The following ZDHHC2 variants were observed in gnomAD, a reference collection of about 807,000 sequenced individuals.
The protein encoded by ZDHHC2 is palmitoyltransferase ZDHHC2.
ZDHHC2 carries 51 observed loss-of-function variants against 55.6 expected under a neutral mutation model. The ratio of observed to expected loss-of-function variants is 0.92; its 90% confidence interval spans 0.73 to 1.16. ZDHHC2 has a LOEUF of 1.16. ZDHHC2 is among the 50% of genes most tolerant of loss of function. ZDHHC2 has a pLI of 0.00. For synonymous variants in ZDHHC2, 199 were observed against 152.9 expected, an observed-to-expected ratio of 1.30 and a Z score of -2.22; for missense variants, 491 against 442.4, an observed-to-expected ratio of 1.11 and a Z score of -0.99.
chr8:17,167,180 G>A (rs1487037732), intron 1 of ZDHHC2, among the ~76,000 whole-genome samples: 1 of 152,076 alleles, frequency 6.6e-6, no homozygotes, highest in East Asian at 1.9e-4. Context: ...AGCCCTCTGA[G>A]CAGGGTGGAC....
intron 1 of ZDHHC2, among the ~76,000 whole-genome samples, chr8:17,171,812 T>C (rs1804869310): frequency 6.6e-6 from 1 of 151,280 alleles, no homozygotes; most frequent in Non-Finnish European, 1.5e-5. Context: ...TGAGGTGTAA[T>C]GCCCAACCTT....
intron 1 of ZDHHC2, among the ~76,000 whole-genome samples, chr8:17,158,150 A>T (rs529432598): frequency 6.6e-6 from 1 of 152,326 alleles, no homozygotes; most frequent in South Asian, 2.1e-4. Context: ...AGGCATTATC[A>T]TGAGGATGCA....
intron 12 of ZDHHC2, among the ~76,000 whole-genome samples, chr8:17,219,499 G>A (rs976100078): frequency 1.3e-5 from 2 of 152,202 alleles, no homozygotes; most frequent in Admixed American, 6.5e-5. Context: ...GCTCACACTT[G>A]TAATTTCAGC....
In ZDHHC2 at chr8:17,217,168, T is replaced by C. The variant is rs1488307682; in HGVS notation, c.1064-4T>C. The C allele has an allele frequency of 1.2e-6, 2 of 1,610,782 alleles. No individual in the cohort carries two copies. The highest frequency in any genetic ancestry group is 1.3e-5 in the African/African-American group (1 of 74,878). ...AAAATGCTAACTTATGTGCTTTCAT[T>C]AAGGTATGAGCAATCCTGCATTAAC... On this transcript the variant is annotated splice_polypyrimidine_tract_variant and splice_region_variant and intron_variant, in intron 11 of 12. Transcript: ENST00000262096.
At chr8:17,217,617 G>A (rs529880635) in intron 12 of ZDHHC2, among the ~76,000 whole-genome samples, 2 of 152,150 alleles carry the variant, frequency 1.3e-5, no homozygotes, top group African/African-American at 2.4e-5. Flanking sequence ...AATATACAGT[G>A]GTCATATCCT....
intron 1 of ZDHHC2, among the ~76,000 whole-genome samples, chr8:17,166,608 A>G (rs533202507): frequency 6.6e-6 from 1 of 152,216 alleles, no homozygotes; most frequent in African/African-American, 2.4e-5. Context: ...GAGAATGTAA[A>G]TGAGCAGAGA....
rs538553153 is a variant in ZDHHC2, at chr8:17,222,588, G to A, written c.*2367G>A. ...AATAGTGTACCAATGCTTCATATAC[G>A]TTAGTTATTTGCTATTATGTAGGGA... On this transcript the variant is annotated 3_prime_UTR_variant, in exon 13 of 13. Transcript: ENST00000262096. 2.6e-5 allele frequency: 4 copies of A among 151,634 alleles called. No individual in the cohort carries two copies. The highest frequency in any genetic ancestry group is 1.9e-4 in the East Asian group (1 of 5,198). The allele number at this position is 151,634 out of a possible 1,614,324, so 9.4% of individuals were successfully genotyped here.
At chr8:17,204,457 C>A (rs1806988458) in intron 6 of ZDHHC2, among the ~76,000 whole-genome samples, 2 of 152,240 alleles carry the variant, frequency 1.3e-5, no homozygotes, top group South Asian at 4.1e-4. Context: ...AGAAGTTACT[C>A]AACCCATGAA....
chr8:17,186,256 C>G (rs984656957), intron 2 of ZDHHC2, 75 bp from the exon 3 acceptor site: 1 of 928,864 alleles, frequency 1.1e-6, no homozygotes, highest in South Asian at 1.6e-5. Context: ...TTAAAACAAG[C>G]AGATCGGTTG....
At position 17,221,171 on chromosome 8, in the gene ZDHHC2, T is replaced by G. The variant is rs1197532803; in HGVS notation, c.*950T>G. The G allele has an allele frequency of 6.6e-6, 1 of 152,528 alleles. No individual in the cohort carries two copies. The highest frequency in any genetic ancestry group is 1.5e-5 in the Non-Finnish European group (1 of 67,976). 9.4% of individuals were successfully genotyped at this position (152,528 alleles called of 1,614,324 possible). ...TTATTTCTTTCTCGTCTCATCAAAA[T>G]GATGACAGGTAAACTATATTTTTCC... On this transcript the variant is annotated 3_prime_UTR_variant, in exon 13 of 13. Transcript: ENST00000262096.
At chr8:17,198,277 T>G in intron 5 of ZDHHC2, 104 bp from the exon 6 acceptor site, 1 of 1,098,528 alleles carries the variant, frequency 9.1e-7, no homozygotes, top group Non-Finnish European at 1.2e-6. Context: ...TGCAATATTT[T>G]ACTTGCCGCA....
chr8:17,183,248 T>C (rs1488860979), intron 1 of ZDHHC2, among the ~76,000 whole-genome samples: 4 of 152,214 alleles, frequency 2.6e-5, no homozygotes, highest in African/African-American at 9.7e-5. Context: ...TTGGCTCCAC[T>C]GAAGGATTGG....
intron 7 of ZDHHC2, among the ~76,000 whole-genome samples, chr8:17,206,655 C>A (rs2150940213): frequency 6.6e-6 from 1 of 152,004 alleles, no homozygotes; most frequent in South Asian, 2.1e-4. Flanking sequence ...TTCGGTATTT[C>A]TTGATTATGC....
intron 1 of ZDHHC2, among the ~76,000 whole-genome samples, chr8:17,181,031 G>A (rs1342711089): frequency 6.6e-6 from 1 of 152,132 alleles, no homozygotes; most frequent in African/African-American, 2.4e-5. Flanking sequence ...TTAGAGAAGT[G>A]TTTTCTTCAC....
intron 6 of ZDHHC2, among the ~76,000 whole-genome samples, chr8:17,200,402 C>G (rs115119324): frequency 1.3e-5 from 2 of 152,214 alleles, no homozygotes; most frequent in African/African-American, 2.4e-5. Context: ...GTCTCAGAGT[C>G]TGCTTTGGGG....
rs139022654 is a variant in ZDHHC2, at chr8:17,197,478, C to T, written c.374-104C>T. 4.3e-5 allele frequency: 42 copies of T among 985,568 alleles called. No individual in the cohort carries two copies. The African/African-American group carries it at 5.7e-4, about 13-fold the overall frequency. The allele number at this position is 985,568 out of a possible 1,614,324, so 61.1% of individuals were successfully genotyped here. ...TTATTTTTTTACCATATTTAAATTTCATATGCTTTTTAAAATTTAAATTTG... is the reference window on the plus strand; with the variant it reads ...TTATTTTTTTACCATATTTAAATTTTATATGCTTTTTAAAATTTAAATTTG... On this transcript the variant is annotated intron_variant, in intron 4 of 12. Coordinates refer to ENST00000262096, the MANE Select transcript of ZDHHC2 (RefSeq NM_016353.5).
In ZDHHC2 at chr8:17,186,316, T is replaced by C. The variant is rs757374975; in HGVS notation, c.158-15T>C. 2 of 1,546,512 alleles carry C rather than the reference T, an allele frequency of 1.3e-6. No individual in the cohort carries two copies. The highest frequency in any genetic ancestry group is 3.7e-5 in the Admixed American group (2 of 54,422). On this transcript the variant is annotated splice_polypyrimidine_tract_variant and intron_variant, in intron 2 of 12. Coordinates refer to ENST00000262096, the MANE Select transcript of ZDHHC2 (RefSeq NM_016353.5). Reference sequence around the variant, plus strand: ...TTTGCATATTATAATGATAATTATGTTTTTCTCATTTTAGTTGTGTGCCTG... The same window carrying C: ...TTTGCATATTATAATGATAATTATGCTTTTCTCATTTTAGTTGTGTGCCTG...
intron 6 of ZDHHC2, among the ~76,000 whole-genome samples, chr8:17,204,430 G>A (rs909135440): frequency 6.6e-6 from 1 of 152,186 alleles, no homozygotes; most frequent in Non-Finnish European, 1.5e-5. Flanking sequence ...TAATAGGTTC[G>A]TTATACCGGT....
intron 1 of ZDHHC2, among the ~76,000 whole-genome samples, chr8:17,157,077 C>T (rs1804096387): frequency 6.6e-6 from 1 of 152,066 alleles, no homozygotes; most frequent in South Asian, 2.1e-4. Flanking sequence ...GTGGCGCCTC[C>T]GCCCCGCACT....
Sources: allele counts gnomAD v4.1 joint callset (sites outside exome capture counted in the v4.1 genomes callset), GRCh38; gene constraint gnomAD v4.1.1; transcripts MANE v1.5; gene names NCBI Gene and HGNC (gene_info 2026-07-23, HGNC 2026-07-21).